The following PRELID2 variants were observed in gnomAD, a reference collection of about 807,000 sequenced individuals.
PRELID2 encodes PRELI domain containing 2, also known as PRELI domain-containing protein 2.
PRELID2 carries 25 observed loss-of-function variants against 28.4 expected under a neutral mutation model. The observed-to-expected ratio is 0.88, with a 90% CI of 0.64 to 1.23. The LOEUF (loss-of-function observed/expected upper bound fraction) is 1.23. PRELID2 is among the 50% of genes most tolerant of loss of function. PRELID2 has a pLI of 0.00. For synonymous variants in PRELID2, 76 were observed against 71.6 expected (o/e 1.06, Z -0.31); for missense variants, 201 against 214.4 (o/e 0.94, Z 0.39).
rs964398669 is a variant in PRELID2, at chr5:145,810,904, CTCT to C, written c.368+6987_368+6989del. ...TTCAGAGGCAGAATTCTTCTTTTTC[CTCT>C]TTTTTTGTTTGAGACAGAGGTTGTA... is the stretch of plus-strand genomic sequence containing the variant. On this transcript the variant is annotated intron_variant, in intron 4 of 6. Coordinates refer to ENST00000683046, the MANE Select transcript of PRELID2 (RefSeq NM_205846.3). Among the ~76,000 whole-genome samples the C allele has an allele frequency of 2.6e-5, 4 of 151,974 alleles. No individual in the cohort carries two copies. The South Asian group carries it at 8.3e-4, about 32-fold the overall frequency.
intron 1 of PRELID2, among the ~76,000 whole-genome samples, chr5:145,672,731 A>G (rs1269835313): frequency 6.6e-6 from 1 of 152,134 alleles, no homozygotes; most frequent in Non-Finnish European, 1.5e-5. Context: ...CTGAGCAATA[A>G]AAGATCCAAT....
the PRELID2 span, among the ~76,000 whole-genome samples, chr5:145,237,720 A>G: frequency 3.3e-5 from 5 of 152,100 alleles, no homozygotes; most frequent in Non-Finnish European, 7.4e-5. Context: ...TTGCAGCAGC[A>G]GAGAGTGTGA....
the PRELID2 span, among the ~76,000 whole-genome samples, chr5:145,462,890 G>A: frequency 7.2e-5 from 11 of 152,098 alleles, no homozygotes; most frequent in African/African-American, 1.2e-4. Flanking sequence ...TTATCCCTTA[G>A]TAGTTCCTTA....
chr5:145,481,343 C>A (rs573704508), intron 1 of PRELID2, among the ~76,000 whole-genome samples: 62 of 151,618 alleles, frequency 4.1e-4, no homozygotes, highest in Non-Finnish European at 7.1e-4. Context: ...TGCTTAAAAC[C>A]TACTTTCAAT....
chr5:145,229,602 G>A, the PRELID2 span: 8 of 1,250,048 alleles, frequency 6.4e-6, no homozygotes, highest in African/African-American at 5.9e-5. Context: ...GGCAAGCACG[G>A]TGTGGGCTTA....
Position 145,835,239 on chromosome 5 carries a change from C to T in PRELID2, c.13G>A (p.Val5Met), listed in dbSNP as rs1371425670. The stretch of plus-strand genomic sequence containing the variant: ...TACTTGTACACCTGGTGCACATCCA[C>T]CGAGACCCCCATCCCCGCGCGCCGC... MGVS[V>M]DVHQVYKYPF... Residue 5 changes from valine to methionine, a missense_variant, in exon 1 of 7, where the codon GTG becomes ATG. Val to Met is a conservative substitution (Grantham distance 21, BLOSUM62 1). Transcript: ENST00000683046. 6.5e-6 allele frequency: 10 copies of T among 1,549,534 alleles called. No homozygotes were observed. Among genetic ancestry groups the T allele is most frequent in the Middle Eastern group, 1.8e-4 (1 of 5,632 alleles).
chr5:145,777,116 C>A (rs923711243), intron 5 of PRELID2, among the ~76,000 whole-genome samples: 1 of 152,066 alleles, frequency 6.6e-6, no homozygotes, highest in African/African-American at 2.4e-5. Flanking sequence ...GGAATTTGGC[C>A]AACAAATTCA....
intron 1 of PRELID2, among the ~76,000 whole-genome samples, chr5:145,489,908 C>T (rs1473801502): frequency 6.6e-6 from 1 of 152,018 alleles, no homozygotes; most frequent in Non-Finnish European, 1.5e-5. Context: ...TATATTTCCA[C>T]CAAAAAAATT....
the PRELID2 span, among the ~76,000 whole-genome samples, chr5:145,266,856 A>T: frequency 6.6e-6 from 1 of 152,274 alleles, no homozygotes; most frequent in East Asian, 1.9e-4. Context: ...CAGCCAACAA[A>T]GGAACAAAAT....
At chr5:145,416,320 G>GA in the PRELID2 span, among the ~76,000 whole-genome samples, 2 of 152,000 alleles carry the variant, frequency 1.3e-5, no homozygotes, top group Non-Finnish European at 2.9e-5. Context: ...AACCCTAGAA[G>GA]AAAACCTAGG....
intron 1 of PRELID2, among the ~76,000 whole-genome samples, chr5:145,480,505 ATAAT>A (rs1397341726): frequency 6.6e-6 from 1 of 152,174 alleles, no homozygotes; most frequent in African/African-American, 2.4e-5. Context: ...TGTAAATAAA[ATAAT>A]TAAATATGTG....
downstream of PRELID2, among the ~76,000 whole-genome samples, chr5:145,469,087 G>T (rs550905030): frequency 1.6e-3 from 249 of 152,196 alleles, 1 homozygote; most frequent in Non-Finnish European, 2.8e-3. Context: ...GAAAAGTAAG[G>T]TGTGGCAGCA....
At chr5:145,692,083 G>A (rs569096014) in intron 1 of PRELID2, among the ~76,000 whole-genome samples, 97 of 151,966 alleles carry the variant, frequency 6.4e-4, no homozygotes, top group Non-Finnish European at 1.2e-3. Flanking sequence ...TGCTCTTATC[G>A]TTATCTGTGA....
At chr5:145,385,175 C>T in the PRELID2 span, among the ~76,000 whole-genome samples, 1 of 152,088 alleles carries the variant, frequency 6.6e-6, no homozygotes, top group African/African-American at 2.4e-5. Context: ...AATGTACTTC[C>T]ATAAAAGTAT....
At chr5:145,434,001 G>A in the PRELID2 span, among the ~76,000 whole-genome samples, 1 of 152,168 alleles carries the variant, frequency 6.6e-6, no homozygotes, top group Non-Finnish European at 1.5e-5. Context: ...GGTTAATAAG[G>A]AGGGGAGGCA....
the PRELID2 span, among the ~76,000 whole-genome samples, chr5:145,236,391 T>C: frequency 1.6e-4 from 25 of 152,132 alleles, no homozygotes; most frequent in Non-Finnish European, 2.9e-5. Flanking sequence ...AAATAGCTGT[T>C]ACTAACGCTG....
chr5:145,349,049 C>T, the PRELID2 span, among the ~76,000 whole-genome samples: 67 of 152,088 alleles, frequency 4.4e-4, no homozygotes, highest in African/African-American at 1.5e-3. Flanking sequence ...TAGTGATATA[C>T]GTATTTATAC....
At chr5:145,405,103 A>T in the PRELID2 span, among the ~76,000 whole-genome samples, 1 of 152,198 alleles carries the variant, frequency 6.6e-6, no homozygotes, top group Non-Finnish European at 1.5e-5. Context: ...AACTCCAAAA[A>T]TGTGTAATAA....
At chr5:145,286,696 G>GT in the PRELID2 span, among the ~76,000 whole-genome samples, 5 of 116,990 alleles carry the variant, frequency 4.3e-5, no homozygotes, top group Non-Finnish European at 7.0e-5. Context: ...CAACATAGAA[G>GT]TTTTTGTTTT....
Sources: gnomAD v4.1 joint callset for allele counts (sites outside exome capture counted in the v4.1 genomes callset) on GRCh38, gnomAD v4.1.1 for gene constraint, MANE v1.5 for transcripts, NCBI Gene and HGNC (gene_info 2026-07-23, HGNC 2026-07-21) for gene names.